PALLD: variants seen among roughly 807,000 people sequenced by gnomAD.
PALLD encodes palladin.
PALLD carries 61 observed loss-of-function variants against 123.5 expected under a neutral mutation model. The ratio of observed to expected loss-of-function variants is 0.49; its 90% CI spans 0.40 to 0.61. PALLD has a LOEUF of 0.61. PALLD is among the 20% of genes least tolerant of loss of function. PALLD has a pLI of 0.00. For synonymous variants in PALLD, 465 were observed against 496.4 expected (o/e 0.94, Z 0.84); for missense variants, 1,273 against 1,377.0 (o/e 0.92, Z 1.20).
At position 168,846,524 on chromosome 4, in the gene PALLD, G is replaced by C. The variant is rs555661080; in HGVS notation, c.1965-44398G>C. Among the ~76,000 whole-genome samples, 4 of 152,336 alleles carry C rather than the reference G, an allele frequency of 2.6e-5. No homozygotes were observed. The South Asian group carries it at 8.3e-4, about 32-fold the overall frequency. ...ATGCGAGGGAGAGTAGGTATGGTCT[G>C]TAAGAGGAACTCCAGGAAGCCCATG... On this transcript the variant is annotated intron_variant, in intron 10 of 21. Transcript: ENST00000505667.
At chr4:168,784,715 G>T (rs1277554828) in intron 10 of PALLD, among the ~76,000 whole-genome samples, 1 of 152,198 alleles carries the variant, frequency 6.6e-6, no homozygotes, top group Non-Finnish European at 1.5e-5. Context: ...CGGAAAAGTG[G>T]ATACAGAGAT....
At chr4:168,610,514 T>C (rs906060281) in intron 2 of PALLD, among the ~76,000 whole-genome samples, 1 of 152,224 alleles carries the variant, frequency 6.6e-6, no homozygotes, top group African/African-American at 2.4e-5. Context: ...CCAGACAGCT[T>C]GAGCATTTCC....
intron 10 of PALLD, among the ~76,000 whole-genome samples, chr4:168,718,339 C>T (rs956085803): frequency 6.6e-6 from 1 of 152,124 alleles, no homozygotes; most frequent in Non-Finnish European, 1.5e-5. Context: ...TAAGCAAAAA[C>T]AAGTTGGGAC....
In PALLD at chr4:168,878,187, C is replaced by T. The variant is rs1434151476; in HGVS notation, c.1965-12735C>T. Reference sequence around the variant, plus strand: ...CCGCCACCCCCGGTCTTCAGCCCCACGGCTGCCTTCCCGGTGCCCGACGTG... The same window carrying T: ...CCGCCACCCCCGGTCTTCAGCCCCATGGCTGCCTTCCCGGTGCCCGACGTG... On this transcript the variant is annotated intron_variant, in intron 10 of 21. Coordinates refer to ENST00000505667, the MANE Select transcript of PALLD (RefSeq NM_001166108.2). The T allele has an allele frequency of 6.6e-7, 1 of 1,512,990 alleles. No homozygotes were observed. The allele number at this position is 1,512,990 out of a possible 1,614,324, so 93.7% of individuals were successfully genotyped here. A position where few individuals can be genotyped will look rare whatever the true frequency, so the allele number is the denominator to read the frequency against.
intron 10 of PALLD, among the ~76,000 whole-genome samples, chr4:168,794,488 ATG>A (rs1738143804): frequency 7.1e-6 from 1 of 140,800 alleles, no homozygotes; most frequent in Non-Finnish European, 1.5e-5. Context: ...GCACACACAC[ATG>A]CACGCACACA....
At chr4:168,597,761 C>T (rs958746965) in intron 2 of PALLD, among the ~76,000 whole-genome samples, 2 of 152,004 alleles carry the variant, frequency 1.3e-5, no homozygotes, top group Admixed American at 1.3e-4. Flanking sequence ...GAAAAAAACT[C>T]TAAAACATTT....
intron 2 of PALLD, among the ~76,000 whole-genome samples, chr4:168,618,099 C>A (rs140162977): frequency 6.6e-6 from 1 of 152,168 alleles, no homozygotes; most frequent in African/African-American, 2.4e-5. Flanking sequence ...GAGGCCACTA[C>A]GAAGTGAGAG....
At chr4:168,567,142 A>T (rs919531592) in intron 2 of PALLD, among the ~76,000 whole-genome samples, 9 of 152,168 alleles carry the variant, frequency 5.9e-5, no homozygotes, top group Non-Finnish European at 1.0e-4. Flanking sequence ...GAGTTAAAAA[A>T]TTATTTTTAT....
intron 10 of PALLD, among the ~76,000 whole-genome samples, chr4:168,868,712 A>G (rs1750674916): frequency 6.6e-6 from 1 of 152,188 alleles, no homozygotes; most frequent in African/African-American, 2.4e-5. Context: ...CCGGTCTTTT[A>G]TGACTTGCTA....
intron 2 of PALLD, among the ~76,000 whole-genome samples, chr4:168,556,364 G>A (rs1255118595): frequency 6.6e-6 from 1 of 152,090 alleles, no homozygotes; most frequent in Non-Finnish European, 1.5e-5. Flanking sequence ...CAAAGTGCTG[G>A]GATTACAGGT....
chr4:168,919,534 A>G (rs1760989931), intron 17 of PALLD, among the ~76,000 whole-genome samples: 1 of 152,064 alleles, frequency 6.6e-6, no homozygotes, highest in Admixed American at 6.6e-5. Flanking sequence ...AAAAAAAAAA[A>G]AAAGTGAAAA....
At chr4:168,766,954 A>C (rs1016891439) in intron 10 of PALLD, among the ~76,000 whole-genome samples, 4 of 152,192 alleles carry the variant, frequency 2.6e-5, no homozygotes, top group Non-Finnish European at 5.9e-5. Context: ...TGACCCTGTA[A>C]GTTATCTCTT....
intron 3 of PALLD, among the ~76,000 whole-genome samples, chr4:168,678,909 G>A (rs1781160892): frequency 6.8e-6 from 1 of 147,874 alleles, no homozygotes; most frequent in South Asian, 2.2e-4. Context: ...GTGTATGTGT[G>A]GTGTGTGTAT....
At chr4:168,715,199 G>A (rs897303433) in intron 10 of PALLD, among the ~76,000 whole-genome samples, 3 of 152,068 alleles carry the variant, frequency 2.0e-5, no homozygotes, top group African/African-American at 7.2e-5. Flanking sequence ...CTCATAAAGT[G>A]GGGGTTCCTG....
At chr4:168,884,810 T>C (rs952101198) in intron 10 of PALLD, among the ~76,000 whole-genome samples, 4 of 152,204 alleles carry the variant, frequency 2.6e-5, no homozygotes, top group Admixed American at 2.6e-4. Flanking sequence ...CAATCTTGTC[T>C]CTGTGACTTA....
rs1169062951 is a variant in PALLD, at chr4:168,924,316, T to C, written c.3120T>C (p.Asp1040=). ...IEKLQNTGVA[D]GYPVRLECRV... is the part of the protein sequence containing the mutation. ...AGCTCCAAAACACAGGAGTTGCTGA[T>C]GGGTACCCAGTGCGGCTGGAATGTC... Residue 1040 remains aspartate (D), a synonymous_variant, in exon 19 of 22, where the codon GAT becomes GAC. Coordinates refer to ENST00000505667, the MANE Select transcript of PALLD (RefSeq NM_001166108.2). 1 of 1,613,994 alleles carries C rather than the reference T, an allele frequency of 6.2e-7. No individual in the cohort carries two copies. Among genetic ancestry groups the C allele is most frequent in the Non-Finnish European group, 8.5e-7 (1 of 1,179,900 alleles).
At chr4:168,745,080 A>T (rs1482226132) in intron 10 of PALLD, among the ~76,000 whole-genome samples, 1 of 152,222 alleles carries the variant, frequency 6.6e-6, no homozygotes, top group African/African-American at 2.4e-5. Flanking sequence ...ACCTTGAATA[A>T]GTCACTTAGA....
At chr4:168,677,007 G>A (rs3109208) in intron 3 of PALLD, among the ~76,000 whole-genome samples, 7,057 of 152,174 alleles carry the variant, frequency 0.046, 239 homozygotes, top group Non-Finnish European at 0.064. Flanking sequence ...CTGCGTGGGA[G>A]GCAGAATAGG....
intron 2 of PALLD, among the ~76,000 whole-genome samples, chr4:168,580,238 TG>T (rs1307154638): frequency 7.3e-6 from 1 of 137,138 alleles, no homozygotes; most frequent in African/African-American, 3.0e-5. Context: ...TATTTCACTG[TG>T]GTGTGTGTGT....
Sources: gnomAD v4.1 joint callset for allele counts (sites outside exome capture counted in the v4.1 genomes callset) on GRCh38, gnomAD v4.1.1 for gene constraint, MANE v1.5 for transcripts, NCBI Gene and HGNC (gene_info 2026-07-23, HGNC 2026-07-21) for gene names.